Variants in RIN2 observed in about 807,000 individuals in gnomAD.
RIN2 encodes the protein Ras and Rab interactor 2.
Under a neutral mutation model 78.0 loss-of-function variants are expected in RIN2, and 36 were observed. The observed-to-expected ratio is 0.46, with a 90% CI of 0.35 to 0.61. The LOEUF (loss-of-function observed/expected upper bound fraction) is 0.61. Ranked by LOEUF, RIN2 falls within the 20% of genes least tolerant of loss-of-function variation. The pLI is 0.00. For synonymous variants in RIN2, 466 were observed against 466.8 expected, an observed-to-expected ratio of 1.00 and a Z score of 0.02; for missense variants, 1,087 against 1,159.7, an observed-to-expected ratio of 0.94 and a Z score of 0.91.
chr20:19,760,217 A>C (rs1180052992), intron 1 of RIN2, among the ~76,000 whole-genome samples: 1 of 152,158 alleles, frequency 6.6e-6, no homozygotes, highest in East Asian at 1.9e-4. Context: ...GGGACAGTGA[A>C]GGGCCCTTGC....
At chr20:19,791,074 C>A (rs544926471) in intron 1 of RIN2, among the ~76,000 whole-genome samples, 1 of 152,260 alleles carries the variant, frequency 6.6e-6, no homozygotes, top group African/African-American at 2.4e-5. Flanking sequence ...TTTCAGATGG[C>A]CCACAAAGAA....
chr20:19,987,382 G>C (rs1003430463), intron 9 of RIN2, among the ~76,000 whole-genome samples: 2 of 152,140 alleles, frequency 1.3e-5, no homozygotes, highest in Non-Finnish European at 2.9e-5. Context: ...CAGAATGTTT[G>C]GATGAGAGGA....
At chr20:19,788,438 A>AAAAAAAAAAAAC (rs1555818711) in intron 1 of RIN2, among the ~76,000 whole-genome samples, 18 of 140,296 alleles carry the variant, frequency 1.3e-4, no homozygotes, top group African/African-American at 2.9e-4. Context: ...CTGCCAAAAA[A>AAAAAAAAAAAAC]AAAAAAAAAA....
intron 3 of RIN2, among the ~76,000 whole-genome samples, chr20:19,928,331 C>T (rs2040309426): frequency 6.6e-6 from 1 of 152,206 alleles, no homozygotes; most frequent in Admixed American, 6.5e-5. Context: ...ACCCAGCCAA[C>T]CGGGGCCCGA....
chr20:19,813,684 T>G (rs1295408578), intron 2 of RIN2, among the ~76,000 whole-genome samples: 1 of 152,180 alleles, frequency 6.6e-6, no homozygotes, highest in South Asian at 2.1e-4. Flanking sequence ...CTTTTAAAAT[T>G]TATGTCTTCT....
At chr20:19,990,439 A>G (rs1274393186) in intron 10 of RIN2, 128 bp downstream of exon 10, 6 of 834,008 alleles carry the variant, frequency 7.2e-6, no homozygotes, top group Non-Finnish European at 9.3e-6. Context: ...CAAGTGGCTT[A>G]CAGAACTACA....
intron 2 of RIN2, among the ~76,000 whole-genome samples, chr20:19,802,466 T>C (rs544407821): frequency 1.8e-3 from 227 of 127,612 alleles, no homozygotes; most frequent in African/African-American, 9.3e-3. Flanking sequence ...TACAAAAAGT[T>C]TCTTTAAAAA....
At chr20:19,824,083 T>A in intron 2 of RIN2, 2 of 605,932 alleles carry the variant, frequency 3.3e-6, no homozygotes, top group Non-Finnish European at 5.8e-6. Flanking sequence ...GCACATGTGC[T>A]GAGTTAATTG....
At chr20:19,894,647 C>T (rs1318809961) in intron 3 of RIN2, among the ~76,000 whole-genome samples, 1 of 152,206 alleles carries the variant, frequency 6.6e-6, no homozygotes, top group South Asian at 2.1e-4. Context: ...TCTTTCCTAT[C>T]CTATATCCAC....
chr20:19,996,763 C>T lies in RIN2; in HGVS notation c.2285C>T (p.Ser762Leu), dbSNP rs768021565. ...GAACAAGCAGCGCGACTGCTCAGCT[C>T]AGAAACCAGAGACACCCTGAGGCAG... Reference protein sequence around the residue: ...QEEQAARLLSSETRDTLRQWH... With the variant: ...QEEQAARLLSLETRDTLRQWH... Residue 762 changes from serine to leucine, a missense_variant, in exon 12 of 13, where the codon TCA (serine) becomes TTA (leucine). Physicochemically the swap from Ser to Leu is moderately radical, Grantham distance 145. Around this residue, in one of 8 missense-constraint regions of RIN2, gnomAD observed 160 missense variants for 179.4 expected, o/e 0.89. Coordinates refer to ENST00000255006, the MANE Select transcript of RIN2 (RefSeq NM_018993.4). 6.2e-6 allele frequency: 10 copies of T among 1,613,110 alleles called. No homozygotes were observed. The highest frequency in any genetic ancestry group is 2.2e-5 in the East Asian group (1 of 44,844).
intron 9 of RIN2, among the ~76,000 whole-genome samples, chr20:19,983,997 T>G (rs537789095): frequency 1.3e-5 from 2 of 151,932 alleles, no homozygotes; most frequent in African/African-American, 4.8e-5. Context: ...ATCATTTACA[T>G]TAGGTATTTC....
chr20:19,956,317 A>ACAAAGC (rs1030626560), intron 4 of RIN2, among the ~76,000 whole-genome samples: 1 of 152,108 alleles, frequency 6.6e-6, no homozygotes, highest in African/African-American at 2.4e-5. Context: ...ATGTCGGAAG[A>ACAAAGC]CAAAGCCTGA....
chr20:19,992,384 CATT>C, intron 11 of RIN2, 85 bp downstream of exon 11: 3 of 1,305,746 alleles, frequency 2.3e-6, no homozygotes, highest in East Asian at 2.5e-5. Flanking sequence ...TGTCACATAA[CATT>C]AATCATTTTA....
At position 19,924,318 on chromosome 20, in the gene RIN2, C is replaced by T. The variant is rs118156338; in HGVS notation, c.58-10781C>T. 4.4e-5 allele frequency among the ~76,000 whole-genome samples: 2 copies of T among 45,830 alleles called. 1 individual carries two copies. Among genetic ancestry groups the T allele is most frequent in the African/African-American group, 2.5e-4 (2 of 7,986 alleles). The allele number at this position is 45,830 out of a possible 152,430, so 30.1% of individuals were successfully genotyped here. On this transcript the variant is annotated intron_variant, in intron 3 of 12. Coordinates refer to ENST00000255006, the MANE Select transcript of RIN2 (RefSeq NM_018993.4). ...ACCTCCATACTCCACCTTCATACCC[C>T]CACCTTCATACCGCACCTCTTCATA...
intron 3 of RIN2, among the ~76,000 whole-genome samples, chr20:19,913,474 A>G (rs922442142): frequency 8.5e-5 from 13 of 152,204 alleles, no homozygotes. Flanking sequence ...TAAATGTACA[A>G]TTCTGTGGCA....
intron 2 of RIN2, among the ~76,000 whole-genome samples, chr20:19,873,914 G>A (rs752931607): frequency 2.6e-5 from 4 of 152,108 alleles, no homozygotes; most frequent in East Asian, 1.9e-4. Flanking sequence ...GTGGTCATTC[G>A]TGCACATACA....
chr20:19,771,760 G>A (rs961346087), intron 1 of RIN2, among the ~76,000 whole-genome samples: 1 of 151,484 alleles, frequency 6.6e-6, no homozygotes, highest in Non-Finnish European at 1.5e-5. Flanking sequence ...TCATTAAAAC[G>A]CTCTGACAGC....
At chr20:19,963,610 C>CAA (rs11358752) in intron 6 of RIN2, among the ~76,000 whole-genome samples, 1 of 116,882 alleles carries the variant, frequency 8.6e-6, no homozygotes, top group Non-Finnish European at 1.9e-5. Context: ...ACTCTGTCTC[C>CAA]AAAAAAAAAA....
intron 2 of RIN2, among the ~76,000 whole-genome samples, chr20:19,873,315 T>TG (rs1442609164): frequency 6.6e-6 from 1 of 151,972 alleles, no homozygotes; most frequent in African/African-American, 2.4e-5. Context: ...TTTGTAGAGT[T>TG]GGGGTCTCAC....
Sources: allele counts gnomAD v4.1 joint callset (sites outside exome capture counted in the v4.1 genomes callset), GRCh38; gene constraint gnomAD v4.1.1; regional missense constraint gnomAD v4.1.1; transcripts MANE v1.5; gene names NCBI Gene and HGNC (gene_info 2026-07-23, HGNC 2026-07-21).